Variants in ADORA2A observed in about 807,000 individuals in gnomAD.
ADORA2A encodes adenosine receptor A2a.
ADORA2A carries 11 observed loss-of-function variants against 18.4 expected under a neutral mutation model. That is an observed-to-expected ratio of 0.60 (90% CI 0.38 to 0.99). The LOEUF (loss-of-function observed/expected upper bound fraction) is 0.99, where lower values mean the gene tolerates loss of function less well. Ranked by LOEUF, ADORA2A falls within the 50% of genes least tolerant of loss-of-function variation. ADORA2A has a pLI of 0.01. For synonymous variants in ADORA2A, 218 were observed against 237.3 expected, an observed-to-expected ratio of 0.92 and a Z score of 0.75; for missense variants, 449 against 556.1, an observed-to-expected ratio of 0.81 and a Z score of 1.94.
chr22:24,437,905 T>G (rs2043218919), intron 2 of ADORA2A, among the ~76,000 whole-genome samples: 1 of 152,264 alleles, frequency 6.6e-6, no homozygotes, highest in Non-Finnish European at 1.5e-5. Context: ...AAACATTTAA[T>G]AAGCCCCTTC....
At chr22:24,428,065 C>A (rs1002453475) in intron 1 of ADORA2A, among the ~76,000 whole-genome samples, 1 of 152,232 alleles carries the variant, frequency 6.6e-6, no homozygotes, top group Non-Finnish European at 1.5e-5. Flanking sequence ...GGCCACCGGG[C>A]AGCCCCGGAG....
At chr22:24,439,638 T>A (rs77959637) in intron 2 of ADORA2A, 3 of 152,092 alleles carry the variant, frequency 2.0e-5, no homozygotes, top group East Asian at 1.9e-4. Flanking sequence ...TTTTTTTTTT[T>A]ATTGTCCATT....
rs554341423 is a variant in ADORA2A at position 24,431,185 on chromosome 22, G to A, written c.-274-1946G>A. 38 of 456,810 alleles carry A rather than the reference G, an allele frequency of 8.3e-5. No individual in the cohort carries two copies. The East Asian group carries it at 9.0e-4, about 11-fold the overall frequency. The allele number at this position is 456,810 out of a possible 1,614,324, so 28.3% of individuals were successfully genotyped here. ...AATGGCTGCCTGGCAAGTGCTCCATGGAAAGCAGGGGCTTGGGAGGACTCG... is the reference window on the plus strand; with the variant it reads ...AATGGCTGCCTGGCAAGTGCTCCATAGAAAGCAGGGGCTTGGGAGGACTCG... On this transcript the variant is annotated intron_variant, in intron 1 of 2. Coordinates refer to ENST00000337539, the MANE Select transcript of ADORA2A (RefSeq NM_000675.6).
intron 2 of ADORA2A, among the ~76,000 whole-genome samples, chr22:24,437,196 C>T (rs11704811): frequency 0.074 from 11,323 of 152,300 alleles, 498 homozygotes; most frequent in South Asian, 0.14. Flanking sequence ...GGGCAGCCTG[C>T]AAGCCGGGGG....
At chr22:24,433,918 C>T (rs1163172730) in intron 2 of ADORA2A, among the ~76,000 whole-genome samples, 182 bp downstream of exon 2, 3 of 152,242 alleles carry the variant, frequency 2.0e-5, no homozygotes, top group South Asian at 2.1e-4. Context: ...GCAGTCATGC[C>T]GAACTGACTG....
Position 24,441,588 on chromosome 22 carries a change from C to T in ADORA2A, c.*99C>T, listed in dbSNP as rs1053133972. 6 of 1,252,718 alleles carry T rather than the reference C, an allele frequency of 4.8e-6. No individual in the cohort carries two copies. Among genetic ancestry groups the T allele is most frequent in the East Asian group, 2.7e-5 (1 of 37,178 alleles). The allele number at this position is 1,252,718 out of a possible 1,614,324, so 77.6% of individuals were successfully genotyped here. On this transcript the variant is annotated 3_prime_UTR_variant, in exon 3 of 3. Transcript: ENST00000337539. ...GGAGAAGAGAGAGAGTGCCAGGAGA[C>T]CCTGAGGGCAGCCGGTTCCTACTTT...
At chr22:24,435,113 T>C (rs1230534493) in intron 2 of ADORA2A, among the ~76,000 whole-genome samples, 3 of 152,184 alleles carry the variant, frequency 2.0e-5, no homozygotes, top group Non-Finnish European at 2.9e-5. Context: ...AGATGCTCTC[T>C]ATCCCAGGAG....
chr22:24,427,855 G>T (rs1004635813), intron 1 of ADORA2A, 109 bp downstream of exon 1: 1 of 152,434 alleles, frequency 6.6e-6, no homozygotes, highest in Non-Finnish European at 1.5e-5. Context: ...CACTGGCCCC[G>T]GGGCTGCGAT....
chr22:24,433,264 G>C lies in ADORA2A; in HGVS notation c.-141G>C, dbSNP rs2043088003. On this transcript the variant is annotated 5_prime_UTR_variant, in exon 2 of 3. Transcript: ENST00000337539. Reference sequence around the variant, plus strand: ...GAGCGCCCCAGCAGGGCTGCACTTGGCTCCTGTGAGGAAGGGGCTCAGGGG... The same window carrying C: ...GAGCGCCCCAGCAGGGCTGCACTTGCCTCCTGTGAGGAAGGGGCTCAGGGG... 2.6e-6 allele frequency: 2 copies of C among 769,138 alleles called. No individual in the cohort carries two copies. Among genetic ancestry groups the C allele is most frequent in the African/African-American group, 1.8e-5 (1 of 56,960 alleles). 47.6% of individuals were successfully genotyped at this position (769,138 alleles called of 1,614,324 possible). A position where few individuals can be genotyped will look rare whatever the true frequency, so the allele number is the denominator to read the frequency against.
At chr22:24,439,625 G>C (rs868427754) in intron 2 of ADORA2A, 2 of 152,016 alleles carry the variant, frequency 1.3e-5, no homozygotes, top group East Asian at 3.9e-4. Context: ...AAATTAGGGA[G>C]ACTTTTTTTT....
At chr22:24,427,035 C>T (rs146221887), upstream of ADORA2A, among the ~76,000 whole-genome samples, 221 of 152,306 alleles carry the variant, frequency 1.5e-3, no homozygotes, top group African/African-American at 5.1e-3. Flanking sequence ...TGGCATCGGC[C>T]GTCACCTGGT....
At chr22:24,427,480 C>T (rs568139767), upstream of ADORA2A, 1 of 152,434 alleles carries the variant, frequency 6.6e-6, no homozygotes, top group African/African-American at 2.4e-5. Context: ...CCTTGTCCCC[C>T]CTTCAGCGGC....
At chr22:24,423,895 G>C (rs921020760), upstream of ADORA2A, 1 of 152,178 alleles carries the variant, frequency 6.6e-6, no homozygotes, top group East Asian at 1.9e-4. Flanking sequence ...CCCGTGAGCG[G>C]CGCGGCCGGA....
chr22:24,425,989 G>A (rs1178646738), upstream of ADORA2A, among the ~76,000 whole-genome samples: 7 of 152,240 alleles, frequency 4.6e-5, no homozygotes, highest in Non-Finnish European at 1.0e-4. Context: ...ACCCGGGAGG[G>A]AGGGTGTTAG....
rs1204072544 is a variant in ADORA2A at position 24,441,365 on chromosome 22, A to G, written c.1115A>G (p.Gln372Arg). The G allele has an allele frequency of 6.3e-7, 1 of 1,585,806 alleles. No homozygotes were observed. Among genetic ancestry groups the G allele is most frequent in the Non-Finnish European group, 8.6e-7 (1 of 1,165,358 alleles). ...ALGLVSGGSA[Q>R]ESQGNTGLPD... Reference sequence around the variant, plus strand: ...GGGCTGGTGAGTGGAGGGAGTGCCCAAGAGTCCCAGGGGAACACGGGCCTC... The same window carrying G: ...GGGCTGGTGAGTGGAGGGAGTGCCCGAGAGTCCCAGGGGAACACGGGCCTC... Residue 372 changes from glutamine (Q) to arginine (R), a missense_variant, in exon 3 of 3, where the codon CAA (glutamine) becomes CGA (arginine). Coordinates refer to ENST00000337539, the MANE Select transcript of ADORA2A (RefSeq NM_000675.6).
intron 2 of ADORA2A, among the ~76,000 whole-genome samples, chr22:24,439,072 C>CTTTTTTTTTTTTTTTTTTTTTTTTT (rs3032740): frequency 2.7e-5 from 2 of 73,094 alleles, no homozygotes; most frequent in Non-Finnish European, 5.4e-5. Flanking sequence ...CCCCTTGCAC[C>CTTTTTTTTTTTTTTTTTTTTTTTTT]TTTTTTTTTT....
rs766290851 is a variant in ADORA2A, at chr22:24,440,886, G to A, written c.636G>A (p.Glu212=). ...CGCGACGACAGCTGAAGCAGATGGA[G>A]AGCCAGCCTCTGCCGGGGGAGCGGG... ...LAARRQLKQM[E]SQPLPGERAR... is the part of the protein sequence containing the mutation. Residue 212 remains glutamate, a synonymous_variant, in exon 3 of 3, where the codon GAG becomes GAA. Coordinates refer to ENST00000337539, the MANE Select transcript of ADORA2A (RefSeq NM_000675.6). 1 of 1,614,222 alleles carries A rather than the reference G, an allele frequency of 6.2e-7. No homozygotes were observed. Among genetic ancestry groups the A allele is most frequent in the East Asian group, 2.2e-5 (1 of 44,880 alleles).
chr22:24,425,346 C>A (rs570169333), upstream of ADORA2A, among the ~76,000 whole-genome samples: 16 of 136,452 alleles, frequency 1.2e-4, no homozygotes, highest in African/African-American at 2.7e-4. Flanking sequence ...CACCCCCCCC[C>A]CCCCCGCCCA....
Position 24,433,125 on chromosome 22 carries a change from T to C in ADORA2A, c.-274-6T>C. 5.4e-6 allele frequency: 3 copies of C among 552,638 alleles called. No homozygotes were observed. Among genetic ancestry groups the C allele is most frequent in the South Asian group, 2.2e-5 (1 of 45,456 alleles). 34.2% of individuals were successfully genotyped at this position (552,638 alleles called of 1,614,324 possible). Reference sequence around the variant, plus strand: ...GTTCAGCTTCTCATCGGCTGTCCCTTTGCAGGTGCCTCAGGAACCCTGAAG... The same window carrying C: ...GTTCAGCTTCTCATCGGCTGTCCCTCTGCAGGTGCCTCAGGAACCCTGAAG... On this transcript the variant is annotated splice_polypyrimidine_tract_variant and splice_region_variant and intron_variant, in intron 1 of 2. Transcript: ENST00000337539.
Sources: allele counts gnomAD v4.1 joint callset (sites outside exome capture counted in the v4.1 genomes callset), GRCh38; gene constraint gnomAD v4.1.1; transcripts MANE v1.5; gene names NCBI Gene and HGNC (gene_info 2026-07-23, HGNC 2026-07-21).